Variants in TANGO6 observed in about 807,000 individuals in gnomAD.
TANGO6 encodes transport and Golgi organization protein 6 homolog.
In TANGO6, 90 loss-of-function variants were observed where a neutral mutation model predicts 114.2. That is an observed-to-expected ratio of 0.79 (90% confidence interval 0.66 to 0.94). TANGO6 has a LOEUF of 0.94. TANGO6 is among the 40% of genes least tolerant of loss of function. The pLI, the probability that TANGO6 is intolerant of heterozygous loss-of-function variation, is 0.00. For synonymous variants in TANGO6, 477 were observed against 509.8 expected (o/e 0.94, Z 0.87); for missense variants, 1,274 against 1,315.3 (o/e 0.97, Z 0.49).
chr16:68,988,692 C>CTTTTTTTTT (rs397855895), intron 15 of TANGO6, among the ~76,000 whole-genome samples: 4 of 112,490 alleles, frequency 3.6e-5, no homozygotes, highest in African/African-American at 1.4e-4. Flanking sequence ...TTCTCTCTCT[C>CTTTTTTTTT]TTTTTTTTTT....
intron 15 of TANGO6, chr16:69,007,263 T>C (rs1964100371): frequency 6.7e-6 from 1 of 150,226 alleles, no homozygotes; most frequent in Non-Finnish European, 1.5e-5. Flanking sequence ...TTTTCTTTTT[T>C]CTTTTCTTTT....
At chr16:69,068,577 G>A (rs1960251332) in intron 17 of TANGO6, among the ~76,000 whole-genome samples, 1 of 152,156 alleles carries the variant, frequency 6.6e-6, no homozygotes, top group African/African-American at 2.4e-5. Flanking sequence ...CTGCATGTTA[G>A]GCTCTCTTCC....
chr16:69,063,382 G>A (rs1471889432), intron 17 of TANGO6, among the ~76,000 whole-genome samples: 6 of 151,908 alleles, frequency 3.9e-5, no homozygotes, highest in Non-Finnish European at 8.8e-5. Flanking sequence ...AAAATTAGCC[G>A]GGCGTGATGG....
At chr16:68,928,611 T>G (rs1432674561) in intron 13 of TANGO6, among the ~76,000 whole-genome samples, 1 of 152,072 alleles carries the variant, frequency 6.6e-6, no homozygotes, top group Non-Finnish European at 1.5e-5. Context: ...TCAAAATTTT[T>G]GCATGCAAGA....
chr16:68,867,497 A>G, intron 4 of TANGO6: 1 of 310,736 alleles, frequency 3.2e-6, no homozygotes, highest in Non-Finnish European at 5.9e-6. Context: ...ATCTGGGGAA[A>G]ACATTACACA....
At chr16:68,855,268 T>A (rs1961967950) in intron 1 of TANGO6, among the ~76,000 whole-genome samples, 1 of 152,028 alleles carries the variant, frequency 6.6e-6, no homozygotes, top group African/African-American at 2.4e-5. Flanking sequence ...TTTGTATATT[T>A]TGTGTTAAAT....
At chr16:69,039,414 T>C (rs1174898221) in intron 16 of TANGO6, among the ~76,000 whole-genome samples, 1 of 151,234 alleles carries the variant, frequency 6.6e-6, no homozygotes, top group Non-Finnish European at 1.5e-5. Context: ...GGCAGGAGGA[T>C]TGCATAAGCC....
chr16:68,865,176 T>C (rs1567526807), intron 3 of TANGO6, among the ~76,000 whole-genome samples: 4 of 151,260 alleles, frequency 2.6e-5, no homozygotes, highest in Admixed American at 2.0e-4. Context: ...ACTCTGGAGG[T>C]TGAGGCAAAG....
chr16:68,857,591 C>T (rs1962018180), intron 1 of TANGO6, among the ~76,000 whole-genome samples: 1 of 152,102 alleles, frequency 6.6e-6, no homozygotes, highest in East Asian at 1.9e-4. Flanking sequence ...TAAGAAACTG[C>T]CAAACTGTCT....
At chr16:68,913,567 C>G (rs1247532709) in intron 11 of TANGO6, among the ~76,000 whole-genome samples, 2 of 151,564 alleles carry the variant, frequency 1.3e-5, no homozygotes, top group Non-Finnish European at 2.9e-5. Context: ...TGACACCATG[C>G]CTGGCTAATT....
At chr16:69,073,828 G>A (rs1960331996) in intron 17 of TANGO6, among the ~76,000 whole-genome samples, 2 of 152,014 alleles carry the variant, frequency 1.3e-5, no homozygotes, top group Admixed American at 6.6e-5. Context: ...GGTGGCGGGC[G>A]CCTGTAATCC....
At chr16:68,989,964 G>C (rs139837979) in intron 15 of TANGO6, among the ~76,000 whole-genome samples, 2,885 of 152,212 alleles carry the variant, frequency 0.019, 34 homozygotes, top group Middle Eastern at 0.031. Context: ...CATGATCTTC[G>C]TCCTGCTTGT....
chr16:68,960,011 A>G (rs1164196540), intron 14 of TANGO6, among the ~76,000 whole-genome samples: 2 of 152,218 alleles, frequency 1.3e-5, no homozygotes, highest in African/African-American at 4.8e-5. Context: ...AATTTGGCGG[A>G]CAGAGAAGTA....
intron 13 of TANGO6, among the ~76,000 whole-genome samples, chr16:68,929,993 A>G (rs576283964): frequency 6.6e-6 from 1 of 152,286 alleles, no homozygotes; most frequent in East Asian, 1.9e-4. Flanking sequence ...TTGTTCTTCC[A>G]TCGGTTTCCA....
At chr16:69,044,782 C>T (rs1959824435) in intron 17 of TANGO6, among the ~76,000 whole-genome samples, 1 of 152,248 alleles carries the variant, frequency 6.6e-6, no homozygotes, top group African/African-American at 2.4e-5. Context: ...ACTTAAGAGG[C>T]TGAGGCACGA....
chr16:68,854,750 T>C (rs1961958817), intron 1 of TANGO6, among the ~76,000 whole-genome samples: 1 of 152,068 alleles, frequency 6.6e-6, no homozygotes, highest in Non-Finnish European at 1.5e-5. Flanking sequence ...TGTGGGACTG[T>C]TTCTGGGTTC....
chr16:69,077,964 C>T (rs897510029), intron 17 of TANGO6, among the ~76,000 whole-genome samples: 1 of 152,098 alleles, frequency 6.6e-6, no homozygotes, highest in Non-Finnish European at 1.5e-5. Context: ...ATACCACCAG[C>T]CTGCCCCACA....
At chr16:69,023,704 G>A (rs529682721) in intron 16 of TANGO6, among the ~76,000 whole-genome samples, 4 of 151,946 alleles carry the variant, frequency 2.6e-5, no homozygotes, top group African/African-American at 7.2e-5. Context: ...CTCTTTGGCC[G>A]AGGCACCCTG....
intron 16 of TANGO6, among the ~76,000 whole-genome samples, chr16:69,038,443 GTA>G (rs768289585): frequency 1.3e-5 from 2 of 151,350 alleles, no homozygotes; most frequent in Non-Finnish European, 2.9e-5. Context: ...AAAAAAAAAA[GTA>G]TATGAGAGAC....
Sources: gnomAD v4.1 joint callset for allele counts (sites outside exome capture counted in the v4.1 genomes callset) on GRCh38, gnomAD v4.1.1 for gene constraint, MANE v1.5 for transcripts, NCBI Gene and HGNC (gene_info 2026-07-23, HGNC 2026-07-21) for gene names.